CTNNA3: variants seen among roughly 807,000 people sequenced by gnomAD.
CTNNA3 encodes the protein catenin alpha 3.
A neutral mutation model predicts 95.7 loss-of-function variants in CTNNA3; 76 were observed. The ratio of observed to expected loss-of-function variants is 0.79; its 90% CI spans 0.66 to 0.96. The LOEUF (loss-of-function observed/expected upper bound fraction) is 0.96, where lower values mean the gene tolerates loss of function less well. Among genes scored for constraint, CTNNA3 ranks in the 40% least tolerant of loss-of-function variants. CTNNA3 has a pLI of 0.00. For synonymous variants in CTNNA3, 431 were observed against 374.4 expected (o/e 1.15, Z -1.74); for missense variants, 1,191 against 1,089.8 (o/e 1.09, Z -1.31).
At chr10:66,471,082 C>T (rs570144932) in intron 11 of CTNNA3, among the ~76,000 whole-genome samples, 7 of 151,852 alleles carry the variant, frequency 4.6e-5, no homozygotes, top group Middle Eastern at 3.4e-3. Context: ...GAGGAAATGG[C>T]GTTGGAAATA....
chr10:67,114,495 T>C (rs1344153546), intron 7 of CTNNA3, among the ~76,000 whole-genome samples: 1 of 152,188 alleles, frequency 6.6e-6, no homozygotes, highest in Non-Finnish European at 1.5e-5. Context: ...GTATTTATTC[T>C]GGAGTCTCTG....
At chr10:66,377,890 G>A (rs536717262) in intron 12 of CTNNA3, among the ~76,000 whole-genome samples, 2 of 152,086 alleles carry the variant, frequency 1.3e-5, no homozygotes, top group African/African-American at 4.8e-5. Flanking sequence ...TGATACCGGT[G>A]ACTTTGAGGA....
chr10:66,911,957 G>T (rs2132561149), intron 7 of CTNNA3, among the ~76,000 whole-genome samples: 2 of 152,100 alleles, frequency 1.3e-5, no homozygotes, highest in Admixed American at 1.3e-4. Context: ...TATTTCAAAA[G>T]GAAAACACAA....
intron 14 of CTNNA3, among the ~76,000 whole-genome samples, chr10:66,070,915 G>A (rs1013541904): frequency 6.6e-6 from 1 of 152,108 alleles, no homozygotes; most frequent in Non-Finnish European, 1.5e-5. Flanking sequence ...CAAGATAAGA[G>A]CCAAAAGTTG....
At chr10:67,527,693 C>G (rs2133174583) in intron 4 of CTNNA3, among the ~76,000 whole-genome samples, 1 of 152,240 alleles carries the variant, frequency 6.6e-6, no homozygotes, top group African/African-American at 2.4e-5. Context: ...GTGGATTTAC[C>G]AGTATGATCC....
At chr10:67,223,103 C>G (rs1351409897) in intron 5 of CTNNA3, among the ~76,000 whole-genome samples, 2 of 152,162 alleles carry the variant, frequency 1.3e-5, no homozygotes, top group African/African-American at 4.8e-5. Flanking sequence ...GATCAGTGAA[C>G]ATAACAAATA....
At chr10:67,426,639 C>T (rs867816393) in intron 5 of CTNNA3, among the ~76,000 whole-genome samples, 5 of 151,898 alleles carry the variant, frequency 3.3e-5, no homozygotes, top group African/African-American at 1.2e-4. Context: ...GGGAATATCA[C>T]ACACCGGGGC....
At chr10:66,001,706 T>C (rs2078772465) in intron 15 of CTNNA3, among the ~76,000 whole-genome samples, 1 of 152,192 alleles carries the variant, frequency 6.6e-6, no homozygotes, top group East Asian at 1.9e-4. Flanking sequence ...CAAATAATTA[T>C]ATTTTATAAA....
chr10:66,891,839 T>C (rs1294605188), intron 7 of CTNNA3, among the ~76,000 whole-genome samples: 1 of 152,132 alleles, frequency 6.6e-6, no homozygotes, highest in African/African-American at 2.4e-5. Context: ...CTGTCTGGGC[T>C]AGAAATCTCT....
At position 66,323,408 on chromosome 10, in the gene CTNNA3, C is replaced by G. The variant is rs1310423586; in HGVS notation, c.1733-42787G>C. Among the ~76,000 whole-genome samples the G allele has an allele frequency of 1.3e-5, 2 of 151,866 alleles. 1 individual carries two copies. The highest frequency in any genetic ancestry group is 2.9e-5 in the Non-Finnish European group (2 of 67,910). ...CCTGTAATCCCAGCACTTTGAGAGG[C>G]CAAGGGGCACGGATCACCTGAGGTC... On this transcript the variant is annotated intron_variant, in intron 12 of 17. Transcript: ENST00000433211.
chr10:66,065,377 C>A (rs1228544692), intron 15 of CTNNA3, among the ~76,000 whole-genome samples: 1 of 152,020 alleles, frequency 6.6e-6, no homozygotes, highest in Non-Finnish European at 1.5e-5. Context: ...ATTCAAACAT[C>A]CAGAAGTCTC....
intron 1 of CTNNA3, among the ~76,000 whole-genome samples, chr10:67,687,248 C>A (rs899711410): frequency 6.6e-6 from 1 of 152,146 alleles, no homozygotes; most frequent in African/African-American, 2.4e-5. Flanking sequence ...CTGGCACTTG[C>A]CCCGGGCATC....
intron 2 of CTNNA3, among the ~76,000 whole-genome samples, chr10:67,647,146 T>TTATATATATATATATA (rs67324505): frequency 7.0e-4 from 96 of 136,482 alleles, no homozygotes; most frequent in South Asian, 1.6e-3. Flanking sequence ...ACTCTGAAAA[T>TTATATATATATATATA]TATATATATA....
intron 7 of CTNNA3, among the ~76,000 whole-genome samples, chr10:67,038,979 T>C (rs1854234327): frequency 6.6e-6 from 1 of 152,132 alleles, no homozygotes; most frequent in Non-Finnish European, 1.5e-5. Context: ...ATATTAATTT[T>C]TCAGGCATAA....
At chr10:66,307,959 G>T (rs2091955160) in intron 12 of CTNNA3, among the ~76,000 whole-genome samples, 1 of 152,138 alleles carries the variant, frequency 6.6e-6, no homozygotes, top group Non-Finnish European at 1.5e-5. Context: ...TAGTTCCTGA[G>T]GCATACCTGG....
chr10:66,846,151 C>A (rs1196991155), intron 7 of CTNNA3, among the ~76,000 whole-genome samples: 1 of 151,046 alleles, frequency 6.6e-6, no homozygotes, highest in African/African-American at 2.4e-5. Flanking sequence ...GGAAATCCTG[C>A]CTTTTGCAAC....
chr10:67,192,090 G>A (rs1863144416), intron 6 of CTNNA3, among the ~76,000 whole-genome samples: 3 of 151,880 alleles, frequency 2.0e-5, no homozygotes, highest in Admixed American at 6.6e-5. Flanking sequence ...AACTTGAAAT[G>A]GATAAAAGAC....
intron 7 of CTNNA3, among the ~76,000 whole-genome samples, chr10:66,820,352 C>T (rs1434891538): frequency 1.3e-5 from 2 of 151,384 alleles, no homozygotes; most frequent in African/African-American, 4.8e-5. Context: ...TGACTGGTAA[C>T]GATTAAAGGG....
chr10:66,444,771 G>T (rs186714476), intron 11 of CTNNA3, among the ~76,000 whole-genome samples: 1 of 152,128 alleles, frequency 6.6e-6, no homozygotes, highest in Non-Finnish European at 1.5e-5. Flanking sequence ...ATCAACTAAC[G>T]AGCAAAATAA....
Sources: gnomAD v4.1 joint callset for allele counts (sites outside exome capture counted in the v4.1 genomes callset) on GRCh38, gnomAD v4.1.1 for gene constraint, MANE v1.5 for transcripts, NCBI Gene and HGNC (gene_info 2026-07-23, HGNC 2026-07-21) for gene names.